Variants in WWOX observed in about 807,000 individuals in gnomAD.
WWOX encodes the protein WW domain-containing oxidoreductase.
WWOX carries 69 observed loss-of-function variants against 46.2 expected under a neutral mutation model. The observed-to-expected ratio is 1.49, with a 90% CI of 1.23 to 1.82. The LOEUF is 1.82. Among genes scored for constraint, WWOX ranks in the 40% most tolerant of loss-of-function variants. The pLI, the probability that WWOX is intolerant of heterozygous loss-of-function variation, is 0.00. For synonymous variants in WWOX, 359 were observed against 202.6 expected (o/e 1.77, Z -6.56); for missense variants, 919 against 542.6 (o/e 1.69, Z -6.89).
At position 78,303,542 on chromosome 16, in the gene WWOX, G is replaced by T. The variant is rs904586305; in HGVS notation, c.517-83318G>T. Among the ~76,000 whole-genome samples, 5 of 151,982 alleles carry T rather than the reference G, an allele frequency of 3.3e-5. No individual in the cohort carries two copies. In the East Asian group the frequency reaches 7.7e-4, roughly 24 times the overall value. ...TTTTTGTTTTTTGTTTTTGTTTGTT[G>T]GTTGGTTTTTTGTTTTTTTGAGATG... On this transcript the variant is annotated intron_variant, in intron 5 of 8. Coordinates refer to ENST00000566780, the MANE Select transcript of WWOX (RefSeq NM_016373.4).
intron 8 of WWOX, among the ~76,000 whole-genome samples, chr16:79,075,528 C>A (rs1456753726): frequency 1.4e-5 from 2 of 147,430 alleles, no homozygotes; most frequent in Non-Finnish European, 3.0e-5. Flanking sequence ...CAACCTCTGG[C>A]GATTTTTCCT....
chr16:78,653,016 G>C (rs370700544), intron 8 of WWOX, among the ~76,000 whole-genome samples: 1 of 152,198 alleles, frequency 6.6e-6, no homozygotes, highest in South Asian at 2.1e-4. Flanking sequence ...CTTGGACAGA[G>C]GAAAATGAAA....
At chr16:78,562,967 G>GA (rs1487299226) in intron 8 of WWOX, among the ~76,000 whole-genome samples, 1 of 151,266 alleles carries the variant, frequency 6.6e-6, no homozygotes, top group Non-Finnish European at 1.5e-5. Context: ...AGATCCCTCT[G>GA]AAAAGCTTTA....
intron 6 of WWOX, among the ~76,000 whole-genome samples, chr16:78,398,111 G>T (rs926521893): frequency 6.6e-6 from 1 of 152,166 alleles, no homozygotes; most frequent in East Asian, 1.9e-4. Flanking sequence ...AGACCAAGGG[G>T]TCGTTTTGCT....
intron 8 of WWOX, among the ~76,000 whole-genome samples, chr16:78,567,631 A>T (rs1259527636): frequency 6.7e-6 from 1 of 149,532 alleles, no homozygotes; most frequent in South Asian, 2.1e-4. Flanking sequence ...GCAGCCTGCT[A>T]TTGTATTTAA....
At chr16:78,325,793 A>G (rs894108911) in intron 5 of WWOX, among the ~76,000 whole-genome samples, 1 of 152,218 alleles carries the variant, frequency 6.6e-6, no homozygotes, top group African/African-American at 2.4e-5. Context: ...CCTGGAATGG[A>G]AGGCATAGGA....
chr16:79,043,949 G>T (rs1026469341), intron 8 of WWOX, among the ~76,000 whole-genome samples: 1 of 152,198 alleles, frequency 6.6e-6, no homozygotes, highest in African/African-American at 2.4e-5. Flanking sequence ...CTGGTCACTT[G>T]TCTTCTGTGG....
At chr16:78,993,589 G>T (rs1597249301) in intron 8 of WWOX, among the ~76,000 whole-genome samples, 1 of 152,330 alleles carries the variant, frequency 6.6e-6, no homozygotes, top group East Asian at 1.9e-4. Context: ...GAACAGGGAT[G>T]GGGACAGGAC....
chr16:78,897,771 A>G (rs1039696974), intron 8 of WWOX: 2 of 152,064 alleles, frequency 1.3e-5, no homozygotes, highest in African/African-American at 4.8e-5. Context: ...TAATTGTATC[A>G]TTTTAACCCC....
intron 4 of WWOX, among the ~76,000 whole-genome samples, chr16:78,146,355 C>T (rs1034621997): frequency 6.6e-6 from 1 of 152,300 alleles, no homozygotes; most frequent in South Asian, 2.1e-4. Flanking sequence ...ACAATGTTCA[C>T]ATTACCTATG....
chr16:78,281,859 A>G (rs758810910), intron 5 of WWOX, among the ~76,000 whole-genome samples: 1 of 152,134 alleles, frequency 6.6e-6, no homozygotes, highest in Non-Finnish European at 1.5e-5. Flanking sequence ...GAGCTTAAAT[A>G]TGTCATCGAG....
At chr16:78,862,863 T>G (rs1420217457) in intron 8 of WWOX, among the ~76,000 whole-genome samples, 2 of 152,088 alleles carry the variant, frequency 1.3e-5, no homozygotes, top group Admixed American at 6.6e-5. Context: ...AACGCCTTCA[T>G]GGACACACTA....
chr16:78,511,133 G>C (rs1046016680), intron 8 of WWOX, among the ~76,000 whole-genome samples: 3 of 152,148 alleles, frequency 2.0e-5, no homozygotes, highest in African/African-American at 7.2e-5. Flanking sequence ...TCCCCTTTCT[G>C]ATATTTACAG....
intron 8 of WWOX, among the ~76,000 whole-genome samples, chr16:78,920,543 T>G (rs912249409): frequency 6.6e-6 from 1 of 152,154 alleles, no homozygotes; most frequent in Non-Finnish European, 1.5e-5. Context: ...AAAGCAGTTA[T>G]TGTTTCCAAG....
intron 8 of WWOX, among the ~76,000 whole-genome samples, chr16:79,072,356 A>G (rs539168148): frequency 6.6e-6 from 1 of 152,072 alleles, no homozygotes. Context: ...CCTGGGTCAC[A>G]TTTCCTGCAA....
chr16:78,377,570 T>C (rs2081859880), intron 5 of WWOX, among the ~76,000 whole-genome samples: 2 of 152,224 alleles, frequency 1.3e-5, no homozygotes, highest in African/African-American at 4.8e-5. Flanking sequence ...TAGCAAGGCA[T>C]AAATGCACAA....
At chr16:78,913,139 A>G (rs1237737763) in intron 8 of WWOX, among the ~76,000 whole-genome samples, 1 of 151,860 alleles carries the variant, frequency 6.6e-6, no homozygotes, top group Non-Finnish European at 1.5e-5. Context: ...AAAGATTTTG[A>G]TTTCGATCAT....
At chr16:78,845,119 T>G (rs533910565) in intron 8 of WWOX, among the ~76,000 whole-genome samples, 6 of 150,114 alleles carry the variant, frequency 4.0e-5, no homozygotes, top group Admixed American at 6.7e-5. Context: ...CATGCACTTT[T>G]TTTATCTTGC....
intron 8 of WWOX, among the ~76,000 whole-genome samples, chr16:78,728,351 G>A (rs2048886633): frequency 6.6e-6 from 1 of 151,980 alleles, no homozygotes; most frequent in Non-Finnish European, 1.5e-5. Context: ...ATGATGATAG[G>A]CAGGAGCCAC....
Sources: allele counts gnomAD v4.1 joint callset (sites outside exome capture counted in the v4.1 genomes callset), GRCh38; gene constraint gnomAD v4.1.1; transcripts MANE v1.5; gene names NCBI Gene and HGNC (gene_info 2026-07-23, HGNC 2026-07-21).